NUDT7: variants seen among roughly 807,000 people sequenced by gnomAD.
NUDT7 encodes the protein nudix hydrolase 7, also known as peroxisomal coenzyme A diphosphatase NUDT7.
A neutral mutation model predicts 13.1 loss-of-function variants in NUDT7; 19 were observed. The ratio of observed to expected loss-of-function variants is 1.45; its 90% confidence interval spans 1.01 to 2.13. The LOEUF (loss-of-function observed/expected upper bound fraction) is 2.13. Ranked by LOEUF, NUDT7 falls within the 30% of genes most tolerant of loss-of-function variation. The probability of loss-of-function intolerance (pLI) is 0.00; values close to 1 mark genes in which losing one functional copy is unlikely to be tolerated. For synonymous variants in NUDT7, 132 were observed against 109.7 expected (o/e 1.20, Z -1.27); for missense variants, 360 against 291.7 (o/e 1.23, Z -1.71).
intron 1 of NUDT7, among the ~76,000 whole-genome samples, chr16:77,724,105 C>T (rs1672047219): frequency 6.6e-6 from 1 of 152,142 alleles, no homozygotes; most frequent in African/African-American, 2.4e-5. Flanking sequence ...GGCAGGGCCT[C>T]ACTCCCTTAG....
At chr16:77,733,925 G>C (rs1437539970) in intron 2 of NUDT7, among the ~76,000 whole-genome samples, 2 of 152,182 alleles carry the variant, frequency 1.3e-5, no homozygotes, top group African/African-American at 4.8e-5. Context: ...ACAGTGGAGG[G>C]TTTGTGCCTC....
At chr16:77,725,751 GAGA>G in intron 2 of NUDT7, 167 bp downstream of exon 2, 2 of 612,884 alleles carry the variant, frequency 3.3e-6, no homozygotes, top group South Asian at 2.4e-5. Context: ...GTGTTTCTTG[GAGA>G]AGGTTTAACA....
At position 77,742,232 on chromosome 16, in the gene NUDT7, C is replaced by T; in HGVS notation, c.*282C>T. On this transcript the variant is annotated 3_prime_UTR_variant, in exon 4 of 4. Transcript: ENST00000268533. ...TAAAGAATATCTGGCACATACTAGG[C>T]CCTTAATAAAGATTTTTTGAATATA... 1 of 774,876 alleles carries T rather than the reference C, an allele frequency of 1.3e-6. No homozygotes were observed. Among genetic ancestry groups the T allele is most frequent in the Non-Finnish European group, 1.6e-6 (1 of 606,600 alleles). 48.0% of individuals were successfully genotyped at this position (774,876 alleles called of 1,614,324 possible).
At chr16:77,727,275 C>G (rs2014167324) in intron 2 of NUDT7, among the ~76,000 whole-genome samples, 3 of 151,986 alleles carry the variant, frequency 2.0e-5, no homozygotes, top group Admixed American at 1.3e-4. Context: ...TAAGCTTATC[C>G]AAGTACAAAA....
At chr16:77,740,723 T>G (rs2014631226) in intron 3 of NUDT7, among the ~76,000 whole-genome samples, 1 of 151,552 alleles carries the variant, frequency 6.6e-6, no homozygotes, top group Non-Finnish European at 1.5e-5. Flanking sequence ...AATTTGTGTA[T>G]TTTTAGTAGA....
intron 2 of NUDT7, chr16:77,735,385 C>T: frequency 1.8e-6 from 1 of 555,734 alleles, no homozygotes; most frequent in South Asian, 2.7e-5. Flanking sequence ...TCTCTGTCTC[C>T]CGCTCCAGCC....
intron 2 of NUDT7, among the ~76,000 whole-genome samples, chr16:77,730,744 C>T (rs1401442517): frequency 7.2e-5 from 11 of 151,770 alleles, no homozygotes. Context: ...TGTGATAGTT[C>T]CCTTTTTTCC....
chr16:77,738,652 G>A (rs766208395), intron 3 of NUDT7, among the ~76,000 whole-genome samples: 6 of 152,026 alleles, frequency 3.9e-5, no homozygotes, highest in Non-Finnish European at 7.4e-5. Context: ...TCAGCTCACT[G>A]CAACCTCCAC....
At chr16:77,739,377 G>T (rs1157339548) in intron 3 of NUDT7, among the ~76,000 whole-genome samples, 4 of 152,228 alleles carry the variant, frequency 2.6e-5, no homozygotes, top group Non-Finnish European at 5.9e-5. Context: ...TCCCAGAGGT[G>T]AGAGTTCCTC....
intron 1 of NUDT7, among the ~76,000 whole-genome samples, chr16:77,724,682 T>C (rs144432488): frequency 3.3e-5 from 5 of 152,288 alleles, no homozygotes; most frequent in Admixed American, 6.5e-5. Flanking sequence ...GGGGTAGACA[T>C]GAATTTCAGG....
At chr16:77,736,606 G>A (rs1212633477) in intron 3 of NUDT7, 6 of 203,336 alleles carry the variant, frequency 3.0e-5, no homozygotes, top group Admixed American at 5.2e-5. Flanking sequence ...TTTTGGAGCT[G>A]AGATAACCAC....
intron 2 of NUDT7, among the ~76,000 whole-genome samples, chr16:77,728,785 C>G (rs2014222530): frequency 6.6e-6 from 1 of 152,202 alleles, no homozygotes; most frequent in Non-Finnish European, 1.5e-5. Context: ...CAGCAAAGAG[C>G]TGGCAAACCC....
chr16:77,742,015 C>T lies in NUDT7; in HGVS notation c.*65C>T. On this transcript the variant is annotated 3_prime_UTR_variant, in exon 4 of 4. Coordinates refer to ENST00000268533, the MANE Select transcript of NUDT7 (RefSeq NM_001105663.3). ...CTGTGTGTGCTTATTCGTAGAACAA[C>T]AACAATGCCAGCTGTTGGAATTTGA... The T allele has an allele frequency of 1.3e-6, 2 of 1,501,930 alleles. No homozygotes were observed. The highest frequency in any genetic ancestry group is 1.8e-6 in the Non-Finnish European group (2 of 1,134,016). 93.0% of individuals were successfully genotyped at this position (1,501,930 alleles called of 1,614,324 possible). A position where few individuals can be genotyped will look rare whatever the true frequency, so the allele number is the denominator to read the frequency against.
intron 2 of NUDT7, 175 bp downstream of exon 2, chr16:77,725,759 T>G (rs1314613531): frequency 1.6e-6 from 1 of 609,894 alleles, no homozygotes; most frequent in African/African-American, 1.9e-5. Flanking sequence ...TGGAGAAGGT[T>G]TAACAAGAAA....
chr16:77,725,658 C>G, intron 2 of NUDT7, 74 bp downstream of exon 2: 1 of 1,431,584 alleles, frequency 7.0e-7, no homozygotes, highest in Non-Finnish European at 9.6e-7. Context: ...GTCACTTGCA[C>G]ACACTTTGAT....
chr16:77,725,784 C>T (rs1408942790), intron 2 of NUDT7, among the ~76,000 whole-genome samples, 200 bp downstream of exon 2: 3 of 152,204 alleles, frequency 2.0e-5, no homozygotes, highest in Non-Finnish European at 2.9e-5. Context: ...AGGAATTTAG[C>T]TAGCAAGCAG....
At chr16:77,735,363 C>T (rs1396475155) in intron 2 of NUDT7, 2 of 532,076 alleles carry the variant, frequency 3.8e-6, no homozygotes, top group Non-Finnish European at 6.7e-6. Context: ...TGTGTAGCAC[C>T]TCCCCTCCCT....
intron 2 of NUDT7, among the ~76,000 whole-genome samples, chr16:77,727,239 A>C (rs1029141953): frequency 5.9e-5 from 9 of 152,238 alleles, no homozygotes; most frequent in African/African-American, 2.2e-4. Flanking sequence ...GGAACTTCCA[A>C]GGAAAAGCTG....
intron 1 of NUDT7, among the ~76,000 whole-genome samples, chr16:77,723,649 G>C (rs968705544): frequency 1.4e-5 from 2 of 143,812 alleles, no homozygotes; most frequent in Middle Eastern, 4.0e-3. Context: ...CTACAGTGCA[G>C]TAGGCAATCT....
Sources: gnomAD v4.1 joint callset for allele counts (sites outside exome capture counted in the v4.1 genomes callset) on GRCh38, gnomAD v4.1.1 for gene constraint, MANE v1.5 for transcripts, NCBI Gene and HGNC (gene_info 2026-07-23, HGNC 2026-07-21) for gene names.